Variants in GNAQ observed in about 807,000 individuals in gnomAD.
GNAQ encodes G protein subunit alpha q.
GNAQ carries 8 observed loss-of-function variants against 43.9 expected under a neutral mutation model. That is an observed-to-expected ratio of 0.18 (90% CI 0.11 to 0.33). GNAQ has a LOEUF of 0.33. GNAQ is among the 10% of genes least tolerant of loss of function. The pLI, the probability that GNAQ is intolerant of heterozygous loss-of-function variation, is 1.00. For synonymous variants in GNAQ, 155 were observed against 170.7 expected, an observed-to-expected ratio of 0.91 and a Z score of 0.71; for missense variants, 158 against 450.8, an observed-to-expected ratio of 0.35 and a Z score of 5.88.
At chr9:77,998,699 A>G (rs1015124417) in intron 1 of GNAQ, among the ~76,000 whole-genome samples, 1 of 152,242 alleles carries the variant, frequency 6.6e-6, no homozygotes, top group Admixed American at 6.5e-5. Flanking sequence ...TGAGGCTCAC[A>G]GAACTACTGA....
intron 2 of GNAQ, among the ~76,000 whole-genome samples, chr9:77,865,556 G>A (rs993928972): frequency 2.0e-4 from 31 of 152,286 alleles, no homozygotes; most frequent in African/African-American, 7.0e-4. Flanking sequence ...CACCAACCAC[G>A]TGACAAATTT....
intron 5 of GNAQ, among the ~76,000 whole-genome samples, chr9:77,790,681 A>G (rs953223733): frequency 4.6e-5 from 7 of 152,128 alleles, no homozygotes; most frequent in Non-Finnish European, 1.0e-4. Context: ...GCTGCCTTAT[A>G]GCTCCTCTTG....
At chr9:77,996,568 C>T (rs1442330044) in intron 1 of GNAQ, among the ~76,000 whole-genome samples, 1 of 151,242 alleles carries the variant, frequency 6.6e-6, no homozygotes, top group Admixed American at 6.6e-5. Context: ...ATCCCAGGTA[C>T]TCAGGAGGCT....
At chr9:77,946,910 C>T (rs956330616) in intron 1 of GNAQ, among the ~76,000 whole-genome samples, 2 of 152,180 alleles carry the variant, frequency 1.3e-5, no homozygotes, top group African/African-American at 4.8e-5. Context: ...GAGCCCTTAG[C>T]AATACAGGTA....
At chr9:77,987,986 G>A (rs1823463057) in intron 1 of GNAQ, among the ~76,000 whole-genome samples, 1 of 152,202 alleles carries the variant, frequency 6.6e-6, no homozygotes, top group East Asian at 1.9e-4. Context: ...TTAAGTCAAG[G>A]CTGAAAAGAG....
At chr9:77,772,170 CAT>C (rs575508364) in intron 5 of GNAQ, among the ~76,000 whole-genome samples, 104 of 152,328 alleles carry the variant, frequency 6.8e-4, no homozygotes, top group African/African-American at 2.4e-3. Context: ...AACCCACACA[CAT>C]GTAAATATAA....
chr9:78,031,245 G>C lies in GNAQ; in HGVS notation c.-10C>G. On this transcript the variant is annotated 5_prime_UTR_variant, in exon 1 of 7. Transcript: ENST00000286548. ...TGGACTCCAGAGTCATTCTTCCAAA[G>C]TGCCTCCGCTGCAGCCCCGCCGGCA... The C allele has an allele frequency of 6.7e-7, 1 of 1,493,282 alleles. No homozygotes were observed. The highest frequency in any genetic ancestry group is 1.4e-5 in the African/African-American group (1 of 69,804). 92.5% of individuals were successfully genotyped at this position (1,493,282 alleles called of 1,614,324 possible). A position where few individuals can be genotyped will look rare whatever the true frequency, so the allele number is the denominator to read the frequency against.
intron 2 of GNAQ, among the ~76,000 whole-genome samples, chr9:77,839,859 A>G (rs1337782566): frequency 6.6e-6 from 1 of 152,226 alleles, no homozygotes; most frequent in African/African-American, 2.4e-5. Context: ...ACATTAACCC[A>G]AAAATGCCTT....
At chr9:77,760,063 T>C (rs1318613046) in intron 5 of GNAQ, among the ~76,000 whole-genome samples, 1 of 95,082 alleles carries the variant, frequency 1.1e-5, no homozygotes, top group Admixed American at 1.1e-4. Flanking sequence ...GCCTGGCCTT[T>C]TTCTAATTTT....
At chr9:78,010,527 C>T (rs1823761250) in intron 1 of GNAQ, among the ~76,000 whole-genome samples, 1 of 152,090 alleles carries the variant, frequency 6.6e-6, no homozygotes. Flanking sequence ...CTTTAAAGCA[C>T]ATTCTTAACT....
chr9:77,779,680 CAAAAAAAAA>C (rs58014303), intron 5 of GNAQ, among the ~76,000 whole-genome samples: 6 of 95,942 alleles, frequency 6.3e-5, no homozygotes, highest in South Asian at 3.6e-4. Context: ...AAAAACAAAA[CAAAAAAAAA>C]AAAAAAAAAA....
intron 5 of GNAQ, among the ~76,000 whole-genome samples, chr9:77,747,489 A>C (rs1170847358): frequency 6.6e-6 from 1 of 152,206 alleles, no homozygotes; most frequent in Non-Finnish European, 1.5e-5. Context: ...CTTTAACTGA[A>C]GACTTGACAT....
chr9:77,772,581 A>G (rs1826243169), intron 5 of GNAQ, among the ~76,000 whole-genome samples: 1 of 152,214 alleles, frequency 6.6e-6, no homozygotes, highest in South Asian at 2.1e-4. Context: ...GAGCAGGTAC[A>G]ATTCAGGACT....
chr9:77,721,784 C>T (rs925876643), intron 6 of GNAQ, among the ~76,000 whole-genome samples: 7 of 152,154 alleles, frequency 4.6e-5, no homozygotes, highest in African/African-American at 1.7e-4. Flanking sequence ...GGCCTTCACT[C>T]TGATTCCCTG....
Position 77,815,693 on chromosome 9 carries a change from C to T in GNAQ, c.399G>A (p.Lys133=). The change falls in exon 3 of 7, where the codon AAG becomes AAA. Residue 133 remains lysine (K), a synonymous_variant. Coordinates refer to ENST00000286548, the MANE Select transcript of GNAQ (RefSeq NM_002072.5). The part of the protein sequence containing the change: ...AFENPYVDAI[K]SLWNDPGIQE... The stretch of plus-strand genomic sequence containing the variant: ...GGATTCCAGGATCATTCCATAAACT[C>T]TTTATTGCATCTACATATGGATTCT... 6.3e-7 allele frequency: 1 copy of T among 1,595,812 alleles called. No individual in the cohort carries two copies. The highest frequency in any genetic ancestry group is 8.6e-7 in the Non-Finnish European group (1 of 1,163,566).
At chr9:77,931,588 C>T (rs553310986) in intron 1 of GNAQ, among the ~76,000 whole-genome samples, 12 of 151,428 alleles carry the variant, frequency 7.9e-5, no homozygotes, top group South Asian at 4.2e-4. Flanking sequence ...GAGTGAGACT[C>T]TGTCTCAAAA....
intron 1 of GNAQ, among the ~76,000 whole-genome samples, chr9:78,016,936 G>A (rs1041433949): frequency 1.3e-5 from 2 of 151,974 alleles, no homozygotes; most frequent in African/African-American, 4.8e-5. Context: ...AGCTAAAACT[G>A]TTATGTGTTG....
At chr9:77,912,658 T>G (rs1828827467) in intron 2 of GNAQ, among the ~76,000 whole-genome samples, 1 of 152,056 alleles carries the variant, frequency 6.6e-6, no homozygotes, top group Admixed American at 6.5e-5. Context: ...TGTATGTCCT[T>G]AATATAAAAG....
intron 1 of GNAQ, among the ~76,000 whole-genome samples, chr9:77,971,223 C>T (rs1468714617): frequency 6.6e-6 from 1 of 152,186 alleles, no homozygotes; most frequent in East Asian, 1.9e-4. Context: ...GATACCATTC[C>T]TTCCGAAACT....
Sources: allele counts gnomAD v4.1 joint callset (sites outside exome capture counted in the v4.1 genomes callset), GRCh38; gene constraint gnomAD v4.1.1; transcripts MANE v1.5; gene names NCBI Gene and HGNC (gene_info 2026-07-23, HGNC 2026-07-21).